The following MGAT4B variants were observed in gnomAD, a reference collection of about 807,000 sequenced individuals.
MGAT4B encodes the protein N-acetylglucosaminyltransferase IVb.
MGAT4B carries 38 observed loss-of-function variants against 73.9 expected under a neutral mutation model. The observed-to-expected ratio is 0.51, with a 90% CI of 0.40 to 0.67. MGAT4B has a LOEUF of 0.67. Among genes scored for constraint, MGAT4B ranks in the 30% least tolerant of loss-of-function variants. The pLI is 0.00. For synonymous variants in MGAT4B, 373 were observed against 313.5 expected (o/e 1.19, Z -2.01); for missense variants, 686 against 735.2 (o/e 0.93, Z 0.77).
chr5:179,798,106 G>A lies in MGAT4B; in HGVS notation c.1624-38C>T, dbSNP rs139490632. The A allele has an allele frequency of 5.0e-5, 81 of 1,604,116 alleles. No homozygotes were observed. In the African/African-American group the frequency reaches 8.7e-4, roughly 17 times the overall value. On this transcript the variant is annotated intron_variant, in intron 14 of 14. Coordinates refer to ENST00000292591, the MANE Select transcript of MGAT4B (RefSeq NM_014275.5). The stretch of plus-strand genomic sequence containing the variant: ...GACCCAGGGTCAGCAGGGCCTCTGA[G>A]CTCCGCCAGGGTCTCCCTGGCTGCT...
chr5:179,797,976 G>A lies in MGAT4B; in HGVS notation c.*69C>T, dbSNP rs183092495. 2.4e-4 allele frequency: 379 copies of A among 1,553,224 alleles called. 3 individuals are homozygous for A. In the East Asian group the frequency reaches 8.3e-3, roughly 34 times the overall value. On this transcript the variant is annotated 3_prime_UTR_variant, in exon 15 of 15. Transcript: ENST00000292591. ...GGGCCGTATCTGGCCCTCCGGGGAC[G>A]GCAGTGACGACACCCCCAGAAATGT...
rs1005725860 is a variant in MGAT4B at position 179,801,290 on chromosome 5, G to C, written c.558+44C>G. 1 of 1,575,794 alleles carries C rather than the reference G, an allele frequency of 6.3e-7. No homozygotes were observed. Among genetic ancestry groups the C allele is most frequent in the Non-Finnish European group, 8.6e-7 (1 of 1,157,092 alleles). ...CCTGCTGTCAGTTCTGCACCGCGGG[G>C]GCTCCTCTGAATGTCCCCCAACCCC... On this transcript the variant is annotated intron_variant, in intron 4 of 14. Transcript: ENST00000292591. The surrounding 1 kb of genome is among the most constrained non-coding windows in gnomAD (Gnocchi z 4.8).
At position 179,806,663 on chromosome 5, in the gene MGAT4B, AGGCGGC is replaced by A. The variant is rs561073025; in HGVS notation, c.-86_-81del. 22 of 582,994 alleles carry A rather than the reference AGGCGGC, an allele frequency of 3.8e-5. No homozygotes were observed. The South Asian group carries it at 4.4e-4, about 12-fold the overall frequency. The allele number at this position is 582,994 out of a possible 1,614,324, so 36.1% of individuals were successfully genotyped here. A position where few individuals can be genotyped will look rare whatever the true frequency, so the allele number is the denominator to read the frequency against. ...CCGGGGCCGGGGCGCAGGGGTCGGA[AGGCGGC>A]GGCGGCGGCGGCAGGGGCCCCGGCC... is the stretch of plus-strand genomic sequence containing the variant. On this transcript the variant is annotated 5_prime_UTR_variant, in exon 1 of 15. Coordinates refer to ENST00000292591, the MANE Select transcript of MGAT4B (RefSeq NM_014275.5). The surrounding 1 kb of genome is among the most constrained non-coding windows in gnomAD (Gnocchi z 4.6).
intron 1 of MGAT4B, among the ~76,000 whole-genome samples, chr5:179,805,885 G>A (rs1315845343): frequency 1.3e-5 from 2 of 152,188 alleles, no homozygotes; most frequent in African/African-American, 2.4e-5. Context: ...GCACGCGGAG[G>A]GCGGGGGCCA....
At chr5:179,799,903 G>T in intron 8 of MGAT4B, 51 bp downstream of exon 8, 1 of 1,506,214 alleles carries the variant, frequency 6.6e-7, no homozygotes, top group Non-Finnish European at 9.2e-7. Flanking sequence ...AGAGAGGATG[G>T]CAGAGGCAGG....
chr5:179,801,375 G>C lies in MGAT4B; in HGVS notation c.517C>G (p.Gln173Glu), dbSNP rs139546285. 1.2e-4 allele frequency: 198 copies of C among 1,612,532 alleles called. No individual in the cohort carries two copies. The highest frequency in any genetic ancestry group is 1.6e-4 in the Non-Finnish European group (191 of 1,179,528). The change falls in exon 4 of 15, where the codon CAG (glutamine) becomes GAG (glutamate). Residue 173 changes from glutamine (Q) to glutamate (E), a missense_variant. Around this residue, in one of 2 missense-constraint regions of MGAT4B, gnomAD observed 449 missense variants for 536.8 expected, o/e 0.84. Coordinates refer to ENST00000292591, the MANE Select transcript of MGAT4B (RefSeq NM_014275.5). This position sits in a 1 kb window ranked among gnomAD's most constrained non-coding sequence, Gnocchi z 4.8. ...ACGATGACCGAGTCCTCCTTCTCCT[G>C]CGGGCTCAGCTCGGAGATGAGCGAG... is the stretch of plus-strand genomic sequence containing the variant. The part of the protein sequence containing the change: ...LHSLISELSP[Q>E]EKEDSVIVVL...
chr5:179,800,398 G>A, intron 6 of MGAT4B, 86 bp downstream of exon 6: 1 of 1,430,168 alleles, frequency 7.0e-7, no homozygotes, highest in East Asian at 2.3e-5. Context: ...GGGCACTGCA[G>A]GGAAACACCC....
chr5:179,798,164 C>G lies in MGAT4B; in HGVS notation c.1623+1G>C. 6.3e-7 allele frequency: 1 copy of G among 1,593,030 alleles called. No homozygotes were observed. Among genetic ancestry groups the G allele is most frequent in the Non-Finnish European group, 8.6e-7 (1 of 1,169,300 alleles). On this transcript the variant is annotated splice_donor_variant, in intron 14 of 14. Transcript: ENST00000292591. LOFTEE classifies it high-confidence loss of function. ...CCTGGCCTGGCCCTGCCCAGCCTCA[C>G]CTCGCTCAGAATCACCCACACAGGG... is the stretch of plus-strand genomic sequence containing the variant.
intron 10 of MGAT4B, 23 bp downstream of exon 10, chr5:179,799,180 G>A (rs757508104): frequency 5.6e-6 from 9 of 1,613,952 alleles, no homozygotes; most frequent in Non-Finnish European, 6.8e-6. Context: ...CCCGGCCTAG[G>A]GAGAGCGTGC....
Position 179,798,692 on chromosome 5 carries a change from C to T in MGAT4B, c.1344-101G>A, listed in dbSNP as rs1220590899. The T allele has an allele frequency of 5.9e-6, 8 of 1,355,644 alleles. No individual in the cohort carries two copies. The African/African-American group carries it at 1.0e-4, about 17-fold the overall frequency. 84.0% of individuals were successfully genotyped at this position (1,355,644 alleles called of 1,614,324 possible). A position where few individuals can be genotyped will look rare whatever the true frequency, so the allele number is the denominator to read the frequency against. ...CCAGGCCTGCGCCAGGAGGGCCCCC[C>T]AGGCAGCTGTCAGGCTGTGCAAAGA... On this transcript the variant is annotated intron_variant, in intron 11 of 14. Transcript: ENST00000292591.
Position 179,797,978 on chromosome 5 carries a change from CAGTGA to C in MGAT4B, c.*62_*66del, listed in dbSNP as rs1756722265. The stretch of plus-strand genomic sequence containing the variant: ...GCCGTATCTGGCCCTCCGGGGACGG[CAGTGA>C]CGACACCCCCAGAAATGTGGGCTTC... On this transcript the variant is annotated 3_prime_UTR_variant, in exon 15 of 15. Transcript: ENST00000292591. The C allele has an allele frequency of 6.4e-7, 1 of 1,557,808 alleles. No individual in the cohort carries two copies. Among genetic ancestry groups the C allele is most frequent in the Admixed American group, 1.9e-5 (1 of 53,446 alleles).
intron 14 of MGAT4B, 42 bp from the exon 15 acceptor site, chr5:179,798,110 C>T (rs768617757): frequency 1.8e-5 from 29 of 1,602,586 alleles, no homozygotes; most frequent in African/African-American, 6.7e-5. Flanking sequence ...CTCTGAGCTC[C>T]GCCAGGGTCT....
chr5:179,801,249 TCTC>T lies in MGAT4B; in HGVS notation c.558+82_558+84del. 1 of 1,476,456 alleles carries T rather than the reference TCTC, an allele frequency of 6.8e-7. No homozygotes were observed. The highest frequency in any genetic ancestry group is 1.3e-5 in the South Asian group (1 of 74,854). The allele number at this position is 1,476,456 out of a possible 1,614,324, so 91.5% of individuals were successfully genotyped here. A position where few individuals can be genotyped will look rare whatever the true frequency, so the allele number is the denominator to read the frequency against. On this transcript the variant is annotated intron_variant, in intron 4 of 14. Transcript: ENST00000292591. The surrounding 1 kb of genome is among the most constrained non-coding windows in gnomAD (Gnocchi z 4.8). ...CTAGCAACTGAACTTCCGACAGCTT[TCTC>T]CTCGGAATGGTTCCTGCTGTCAGTT...
At chr5:179,802,185 A>T in intron 1 of MGAT4B, 1 of 1,494,148 alleles carries the variant, frequency 6.7e-7, no homozygotes, top group Non-Finnish European at 8.9e-7. Context: ...GCCCTCTTCC[A>T]GTACTCTCCC....
At position 179,797,836 on chromosome 5, in the gene MGAT4B, C is replaced by T. The variant is rs946162289; in HGVS notation, c.*209G>A. On this transcript the variant is annotated 3_prime_UTR_variant, in exon 15 of 15. Transcript: ENST00000292591. Reference sequence around the variant, plus strand: ...CGGGCCTCAGGCACAGTGTGGGGGCCGCCTGCCTCCTCCGCGGCCCGGCGG... The same window carrying T: ...CGGGCCTCAGGCACAGTGTGGGGGCTGCCTGCCTCCTCCGCGGCCCGGCGG... 2 of 627,664 alleles carry T rather than the reference C, an allele frequency of 3.2e-6. No individual in the cohort carries two copies. Among genetic ancestry groups the T allele is most frequent in the South Asian group, 2.1e-5 (1 of 48,514 alleles). The allele number at this position is 627,664 out of a possible 1,614,324, so 38.9% of individuals were successfully genotyped here.
At chr5:179,798,835 C>T (rs1381122932) in intron 11 of MGAT4B, 93 bp downstream of exon 11, 2 of 1,460,380 alleles carry the variant, frequency 1.4e-6, no homozygotes, top group African/African-American at 1.4e-5. Context: ...GATGCGGAAA[C>T]TGAAGAACGT....
In MGAT4B at chr5:179,806,775, G is replaced by C. The variant is rs1051193704; in HGVS notation, c.-192C>G. 3.3e-5 allele frequency: 5 copies of C among 149,664 alleles called. No individual in the cohort carries two copies. The highest frequency in any genetic ancestry group is 1.2e-4 in the African/African-American group (5 of 41,226). The allele number at this position is 149,664 out of a possible 1,614,324, so 9.3% of individuals were successfully genotyped here. ...GCGCCGGCCGCCCCTCAGGGCGCAA[G>C]CTTTGTGCCCTGTACTCAGGGAAGA... On this transcript the variant is annotated 5_prime_UTR_variant, in exon 1 of 15. Transcript: ENST00000292591. This position sits in a 1 kb window ranked among gnomAD's most constrained non-coding sequence, Gnocchi z 4.6.
intron 11 of MGAT4B, 132 bp downstream of exon 11, chr5:179,798,796 A>G: frequency 8.5e-7 from 1 of 1,176,848 alleles, no homozygotes; most frequent in Non-Finnish European, 1.2e-6. Flanking sequence ...AGTCCTCACA[A>G]GGTAGCTACC....
intron 1 of MGAT4B, chr5:179,802,365 C>T (rs886385870): frequency 2.0e-5 from 26 of 1,282,420 alleles, no homozygotes; most frequent in Middle Eastern, 3.0e-4. Flanking sequence ...CTCCCTCCAG[C>T]GGGTGGGCTA....
Sources: gnomAD v4.1 joint callset for allele counts (sites outside exome capture counted in the v4.1 genomes callset) on GRCh38, gnomAD v4.1.1 for gene constraint, gnomAD v4.1.1 regional missense constraint, Gnocchi (gnomAD v3.1) non-coding constraint, MANE v1.5 for transcripts, NCBI Gene and HGNC (gene_info 2026-07-23, HGNC 2026-07-21) for gene names.